Variants in TRPC4 observed in about 807,000 individuals in gnomAD.
TRPC4 encodes transient receptor potential cation channel subfamily C member 4.
A neutral mutation model predicts 99.4 loss-of-function variants in TRPC4; 49 were observed. That is an observed-to-expected ratio of 0.49 (90% CI 0.39 to 0.63). TRPC4 has a LOEUF of 0.63. Ranked by LOEUF, TRPC4 falls within the 20% of genes least tolerant of loss-of-function variation. The pLI, the probability that TRPC4 is intolerant of heterozygous loss-of-function variation, is 0.00. For synonymous variants in TRPC4, 454 were observed against 425.9 expected, an observed-to-expected ratio of 1.07 and a Z score of -0.81; for missense variants, 898 against 1,152.9, an observed-to-expected ratio of 0.78 and a Z score of 3.20.
rs192019044 is a variant in TRPC4, at chr13:37,698,402, C to T, written c.898-6067G>A. ...GGTCTCGATCTCCTGACCTCGTGAT[C>T]CGCCTGCCTCAGCCTCACAAAGTGC... On this transcript the variant is annotated intron_variant, in intron 3 of 10. Coordinates refer to ENST00000379705, the MANE Select transcript of TRPC4 (RefSeq NM_016179.4). Among the ~76,000 whole-genome samples the T allele has an allele frequency of 3.0e-3, 458 of 151,642 alleles. 3 individuals are homozygous for T. Among genetic ancestry groups the T allele is most frequent in the African/African-American group, 0.011 (446 of 41,306 alleles).
intron 1 of TRPC4, among the ~76,000 whole-genome samples, chr13:37,809,962 G>C (rs1957629765): frequency 6.6e-6 from 1 of 151,584 alleles, no homozygotes; most frequent in South Asian, 2.1e-4. Flanking sequence ...AAATGACTAT[G>C]ATTGGGCATT....
chr13:37,753,575 A>AAG (rs61394712), intron 2 of TRPC4, among the ~76,000 whole-genome samples: 3,851 of 137,200 alleles, frequency 0.028, 175 homozygotes, highest in African/African-American at 0.1. Context: ...GAGAGAGAGA[A>AAG]AGAGAGAGAG....
At chr13:37,641,441 A>G (rs1951712241) in intron 8 of TRPC4, among the ~76,000 whole-genome samples, 1 of 152,186 alleles carries the variant, frequency 6.6e-6, no homozygotes, top group Non-Finnish European at 1.5e-5. Context: ...TAGTTTCACA[A>G]AATTTTATCA....
At chr13:37,841,273 A>G (rs1426659442) in intron 1 of TRPC4, among the ~76,000 whole-genome samples, 1 of 152,134 alleles carries the variant, frequency 6.6e-6, no homozygotes, top group Non-Finnish European at 1.5e-5. Flanking sequence ...ATACCCATCT[A>G]TTGAACACCT....
rs987123441 is a variant in TRPC4 at position 37,860,615 on chromosome 13, A to G, written c.-28+8980T>C. 6.6e-5 allele frequency among the ~76,000 whole-genome samples: 10 copies of G among 151,702 alleles called. 1 individual carries two copies. In the Middle Eastern group the frequency reaches 0.014, roughly 206 times the overall value. On this transcript the variant is annotated intron_variant, in intron 1 of 10. Transcript: ENST00000379705. The stretch of plus-strand genomic sequence containing the variant: ...CAGAAGGCATAATTCAATCAAGGTT[A>G]TAATTCCATCTCACTATGAAAACAT...
chr13:37,720,461 T>A (rs554137629), intron 3 of TRPC4, among the ~76,000 whole-genome samples: 35 of 152,206 alleles, frequency 2.3e-4, no homozygotes, highest in African/African-American at 8.4e-4. Flanking sequence ...TTAGTAGTAG[T>A]AGTATTATTT....
At chr13:37,658,836 A>G (rs1032708170) in intron 6 of TRPC4, among the ~76,000 whole-genome samples, 6 of 152,182 alleles carry the variant, frequency 3.9e-5, no homozygotes, top group Non-Finnish European at 5.9e-5. Flanking sequence ...AAACGGCATG[A>G]AGATGCATAG....
chr13:37,777,264 C>A (rs1956731274), intron 2 of TRPC4, among the ~76,000 whole-genome samples: 1 of 151,860 alleles, frequency 6.6e-6, no homozygotes, highest in South Asian at 2.1e-4. Flanking sequence ...ACTCACAGTT[C>A]CACAGGCTAT....
chr13:37,806,380 G>T (rs1471108572), intron 1 of TRPC4, among the ~76,000 whole-genome samples: 5 of 151,978 alleles, frequency 3.3e-5, no homozygotes, highest in Non-Finnish European at 7.4e-5. Flanking sequence ...TAAAAAGGTA[G>T]CCTCTTGATA....
intron 6 of TRPC4, among the ~76,000 whole-genome samples, chr13:37,656,751 C>G (rs995151092): frequency 2.0e-5 from 3 of 152,128 alleles, no homozygotes; most frequent in African/African-American, 7.2e-5. Context: ...ACAGCACAAA[C>G]TAAGAAGCAG....
At chr13:37,775,965 T>G (rs115230873) in intron 2 of TRPC4, among the ~76,000 whole-genome samples, 393 of 151,954 alleles carry the variant, frequency 2.6e-3, no homozygotes, top group African/African-American at 9.1e-3. Context: ...ACAAAAACCA[T>G]GTCAATGAGA....
chr13:37,839,029 G>A (rs967650731), intron 1 of TRPC4, among the ~76,000 whole-genome samples: 1 of 152,136 alleles, frequency 6.6e-6, no homozygotes, highest in African/African-American at 2.4e-5. Context: ...ATCTTATAAA[G>A]TTAGTCTGAG....
chr13:37,759,941 G>A (rs1956181852), intron 2 of TRPC4, among the ~76,000 whole-genome samples: 1 of 151,946 alleles, frequency 6.6e-6, no homozygotes, highest in Non-Finnish European at 1.5e-5. Context: ...AGAAAAGTTT[G>A]AACAAATTGT....
intron 2 of TRPC4, among the ~76,000 whole-genome samples, chr13:37,762,917 G>GA (rs1325634015): frequency 6.6e-6 from 1 of 151,444 alleles, no homozygotes; most frequent in Non-Finnish European, 1.5e-5. Flanking sequence ...TTTAGCAAAA[G>GA]GGGTTATAAA....
intron 3 of TRPC4, among the ~76,000 whole-genome samples, chr13:37,727,062 G>A (rs545454539): frequency 3.9e-5 from 6 of 152,114 alleles, no homozygotes; most frequent in African/African-American, 1.4e-4. Flanking sequence ...GAGGACCTGG[G>A]CAACACAATA....
intron 3 of TRPC4, among the ~76,000 whole-genome samples, chr13:37,697,187 C>T (rs139924008): frequency 6.6e-6 from 1 of 152,060 alleles, no homozygotes; most frequent in African/African-American, 2.4e-5. Context: ...ATATGTGAGT[C>T]AGACAGTGGC....
At chr13:37,649,749 AAAAAAAAAAAACAAC>A (rs869118189) in intron 8 of TRPC4, among the ~76,000 whole-genome samples, 73 of 139,874 alleles carry the variant, frequency 5.2e-4, no homozygotes, top group South Asian at 4.0e-3. Flanking sequence ...AAAAAAAAAA[AAAAAAAAAAAACAAC>A]AACAAAGAAC....
chr13:37,839,837 G>A (rs892625153), intron 1 of TRPC4, among the ~76,000 whole-genome samples: 1 of 152,114 alleles, frequency 6.6e-6, no homozygotes, highest in Non-Finnish European at 1.5e-5. Context: ...TTGTGAAAGT[G>A]TCTGTCACAG....
intron 2 of TRPC4, among the ~76,000 whole-genome samples, chr13:37,755,408 C>A (rs1956071467): frequency 6.8e-6 from 1 of 148,016 alleles, no homozygotes; most frequent in African/African-American, 2.5e-5. Context: ...GGCATAGCAC[C>A]ACCATACCTG....
Sources: gnomAD v4.1 joint callset for allele counts (sites outside exome capture counted in the v4.1 genomes callset) on GRCh38, gnomAD v4.1.1 for gene constraint, MANE v1.5 for transcripts, NCBI Gene and HGNC (gene_info 2026-07-23, HGNC 2026-07-21) for gene names.